NOS1AP: variants seen among roughly 807,000 people sequenced by gnomAD.
NOS1AP encodes the protein nitric oxide synthase 1 adaptor protein.
In NOS1AP, 21 loss-of-function variants were observed where a neutral mutation model predicts 56.2. That is an observed-to-expected ratio of 0.37 (90% CI 0.26 to 0.54). NOS1AP has a LOEUF of 0.54. NOS1AP is among the 20% of genes least tolerant of loss of function. NOS1AP has a pLI of 0.84. For synonymous variants in NOS1AP, 270 were observed against 274.6 expected (o/e 0.98, Z 0.17); for missense variants, 522 against 657.8 (o/e 0.79, Z 2.26).
intron 4 of NOS1AP, among the ~76,000 whole-genome samples, chr1:162,302,215 A>G (rs950200133): frequency 1.3e-5 from 2 of 152,206 alleles, no homozygotes; most frequent in African/African-American, 4.8e-5. Context: ...CTCTTGAGGG[A>G]AAAATCTATG....
intron 1 of NOS1AP, among the ~76,000 whole-genome samples, chr1:162,125,285 C>T (rs1336282897): frequency 1.3e-5 from 2 of 152,084 alleles, no homozygotes; most frequent in Non-Finnish European, 2.9e-5. Flanking sequence ...AGGCACCCAC[C>T]TCCATGCCCA....
rs1200459781 is a variant in NOS1AP, at chr1:162,368,567, A to T, written c.*1100A>T. The T allele has an allele frequency of 4.6e-5, 7 of 152,224 alleles. No homozygotes were observed. Among genetic ancestry groups the T allele is most frequent in the Non-Finnish European group, 1.0e-4 (7 of 68,054 alleles). 9.4% of individuals were successfully genotyped at this position (152,224 alleles called of 1,614,324 possible). A position where few individuals can be genotyped will look rare whatever the true frequency, so the allele number is the denominator to read the frequency against. On this transcript the variant is annotated 3_prime_UTR_variant, in exon 10 of 10. Transcript: ENST00000361897. ...TGGGTCAGGGACCACAGCCATTGCC[A>T]CCCTTGGCCCATCTCTCTGCGTGCG... is the stretch of plus-strand genomic sequence containing the variant.
intron 1 of NOS1AP, among the ~76,000 whole-genome samples, chr1:162,153,396 C>A (rs890992156): frequency 1.3e-5 from 2 of 152,128 alleles, no homozygotes; most frequent in Non-Finnish European, 2.9e-5. Context: ...CCCAAAGAAC[C>A]AGAATTACAG....
intron 2 of NOS1AP, among the ~76,000 whole-genome samples, chr1:162,265,994 G>A (rs922066578): frequency 1.3e-5 from 2 of 152,202 alleles, no homozygotes; most frequent in Non-Finnish European, 2.9e-5. Context: ...CAGTAGGATG[G>A]ACGAGGGGAC....
At chr1:162,273,401 G>T (rs1400584461) in intron 2 of NOS1AP, among the ~76,000 whole-genome samples, 2 of 152,192 alleles carry the variant, frequency 1.3e-5, no homozygotes, top group African/African-American at 4.8e-5. Flanking sequence ...TCCTGACCTC[G>T]TGATCCACCC....
chr1:162,113,825 C>T lies in NOS1AP; in HGVS notation c.106-40580C>T, dbSNP rs115069123. On this transcript the variant is annotated intron_variant, in intron 1 of 9. Coordinates refer to ENST00000361897, the MANE Select transcript of NOS1AP (RefSeq NM_014697.3). ...AAATCCAAACCATCTCCTCCTCTTA[C>T]CTGTCCATCCTTCACCTCTTAGGAA... Among the ~76,000 whole-genome samples the T allele has an allele frequency of 7.6e-3, 1,160 of 152,234 alleles. 7 individuals carry two copies. The highest frequency in any genetic ancestry group is 0.02 in the Middle Eastern group (6 of 294).
chr1:162,330,917 G>T (rs1237687540), intron 4 of NOS1AP, among the ~76,000 whole-genome samples: 1 of 152,200 alleles, frequency 6.6e-6, no homozygotes, highest in Non-Finnish European at 1.5e-5. Flanking sequence ...GAACAATGGA[G>T]GAAGCTGTTG....
chr1:162,290,877 T>C (rs969266065), intron 3 of NOS1AP, among the ~76,000 whole-genome samples: 1 of 152,194 alleles, frequency 6.6e-6, no homozygotes, highest in Non-Finnish European at 1.5e-5. Context: ...CTCTCTCAGC[T>C]TCAACTGTGA....
intron 4 of NOS1AP, among the ~76,000 whole-genome samples, chr1:162,324,415 C>CTTT (rs1656516826): frequency 2.4e-5 from 2 of 81,892 alleles, no homozygotes; most frequent in African/African-American, 9.6e-5. Context: ...GGGACACTAG[C>CTTT]CTTTTTTTTT....
At position 162,237,341 on chromosome 1, in the gene NOS1AP, G is replaced by A. The variant is rs542634877; in HGVS notation, c.178-50003G>A. 7.7e-4 allele frequency among the ~76,000 whole-genome samples: 118 copies of A among 152,324 alleles called. 1 individual carries two copies. The highest frequency in any genetic ancestry group is 1.9e-3 in the South Asian group (9 of 4,826). The stretch of plus-strand genomic sequence containing the variant: ...AACTGTAAAATTGGGCCTTGGGAAG[G>A]CAGGACACCCTCTGAAATTAGAGGT... On this transcript the variant is annotated intron_variant, in intron 2 of 9. Coordinates refer to ENST00000361897, the MANE Select transcript of NOS1AP (RefSeq NM_014697.3).
intron 4 of NOS1AP, among the ~76,000 whole-genome samples, chr1:162,307,983 G>A (rs78962238): frequency 6.6e-6 from 1 of 152,186 alleles, no homozygotes; most frequent in African/African-American, 2.4e-5. Flanking sequence ...CTAGGCACTA[G>A]GGGAAACAGT....
rs541521504 is a variant in NOS1AP, at chr1:162,096,926, A to T, written c.105+26644A>T. Among the ~76,000 whole-genome samples the T allele has an allele frequency of 3.1e-3, 475 of 152,294 alleles. 2 individuals are homozygous for T. Among genetic ancestry groups the T allele is most frequent in the Non-Finnish European group, 5.0e-3 (338 of 68,010 alleles). On this transcript the variant is annotated intron_variant, in intron 1 of 9. Coordinates refer to ENST00000361897, the MANE Select transcript of NOS1AP (RefSeq NM_014697.3). ...TCTCCAAGTCTCCTTGAGCACAGTT[A>T]CTAGTTTGTTAGATTATATATCTAA...
chr1:162,134,422 G>A (rs1648890951), intron 1 of NOS1AP, among the ~76,000 whole-genome samples: 1 of 148,356 alleles, frequency 6.7e-6, no homozygotes, highest in African/African-American at 2.5e-5. Context: ...GGAGGTGGAG[G>A]TTGTACTGAG....
chr1:162,361,406 C>T (rs946287838), intron 8 of NOS1AP, among the ~76,000 whole-genome samples: 2 of 152,226 alleles, frequency 1.3e-5, no homozygotes, highest in African/African-American at 4.8e-5. Context: ...TGCCTCGTTT[C>T]AGTGCTTCAA....
At chr1:162,332,716 C>T (rs1571224874) in intron 4 of NOS1AP, among the ~76,000 whole-genome samples, 1 of 152,292 alleles carries the variant, frequency 6.6e-6, no homozygotes, top group East Asian at 1.9e-4. Flanking sequence ...ATGATTTTTC[C>T]TTCTAACATA....
chr1:162,086,428 C>T (rs1032038857), intron 1 of NOS1AP, among the ~76,000 whole-genome samples: 1 of 152,164 alleles, frequency 6.6e-6, no homozygotes, highest in African/African-American at 2.4e-5. Flanking sequence ...CTTCTATACC[C>T]TTCCTTGCCC....
intron 2 of NOS1AP, among the ~76,000 whole-genome samples, chr1:162,255,665 C>T (rs192996706): frequency 5.5e-4 from 83 of 152,010 alleles, no homozygotes; most frequent in African/African-American, 1.9e-3. Flanking sequence ...GGCCATGGAA[C>T]CAGCAAGGTC....
intron 2 of NOS1AP, among the ~76,000 whole-genome samples, chr1:162,227,456 A>G (rs1652982171): frequency 6.6e-6 from 1 of 152,224 alleles, no homozygotes; most frequent in African/African-American, 2.4e-5. Flanking sequence ...ATCTCCTTTC[A>G]GTGCACTTAG....
intron 1 of NOS1AP, among the ~76,000 whole-genome samples, chr1:162,087,273 TCTGTTAAAAATATGTCTGAAGCATACA>T (rs1692024993): frequency 2.0e-5 from 3 of 152,124 alleles, no homozygotes; most frequent in Non-Finnish European, 2.9e-5. Flanking sequence ...TAAGTTGTTT[TCTGTTAAAAATATGTCTGAAGCATACA>T]CTTGAGGCTG....
Sources: gnomAD v4.1 joint callset for allele counts (sites outside exome capture counted in the v4.1 genomes callset) on GRCh38, gnomAD v4.1.1 for gene constraint, MANE v1.5 for transcripts, NCBI Gene and HGNC (gene_info 2026-07-23, HGNC 2026-07-21) for gene names.